The following TRPM2 variants were observed in gnomAD, a reference collection of about 807,000 sequenced individuals.
The protein encoded by TRPM2 is estrogen-responsive element-associated gene 1 protein.
In TRPM2, 161 loss-of-function variants were observed where a neutral mutation model predicts 174.0. That is an observed-to-expected ratio of 0.93 (90% CI 0.81 to 1.05). The LOEUF is 1.05. TRPM2 is among the 50% of genes least tolerant of loss of function. The probability of loss-of-function intolerance (pLI) is 0.00; values close to 1 mark genes in which losing one functional copy is unlikely to be tolerated. For synonymous variants in TRPM2, 954 were observed against 861.3 expected (o/e 1.11, Z -1.88); for missense variants, 2,057 against 2,038.0 (o/e 1.01, Z -0.18).
intron 16 of TRPM2, among the ~76,000 whole-genome samples, chr21:44,404,862 A>T (rs147078462): frequency 0.044 from 5,024 of 113,158 alleles, 80 homozygotes; most frequent in African/African-American, 0.1. Flanking sequence ...TGATAGTGAC[A>T]GTGACTGTGA....
chr21:44,368,994 C>G (rs538012370), intron 4 of TRPM2, 183 bp from the exon 5 acceptor site: 2 of 576,186 alleles, frequency 3.5e-6, no homozygotes, highest in South Asian at 3.3e-5. Context: ...GTTCCCACCC[C>G]ACCTGAGCGC....
chr21:44,381,960 A>G (rs143040840), intron 8 of TRPM2, among the ~76,000 whole-genome samples: 6 of 44,408 alleles, frequency 1.4e-4, no homozygotes, highest in Non-Finnish European at 4.0e-4. Flanking sequence ...ATGGATAGAT[A>G]GATAGATAGA....
intron 22 of TRPM2, among the ~76,000 whole-genome samples, chr21:44,419,215 C>A (rs115210726): frequency 0.013 from 1,912 of 152,242 alleles, 29 homozygotes; most frequent in African/African-American, 0.043. Context: ...GGACACGGTG[C>A]CACCTAGTTA....
intron 12 of TRPM2, 32 bp downstream of exon 12, chr21:44,395,583 C>T (rs371704678): frequency 4.2e-5 from 67 of 1,611,678 alleles, no homozygotes; most frequent in Non-Finnish European, 5.1e-5. Flanking sequence ...TCTCAGCAGA[C>T]ACAGCTATAG....
In TRPM2 at chr21:44,423,739, C is replaced by A; in HGVS notation, c.3549+7C>A. On this transcript the variant is annotated splice_region_variant and intron_variant, in intron 23 of 31. Coordinates refer to ENST00000397928, the MANE Select transcript of TRPM2 (RefSeq NM_003307.4). ...GGCCTCCCTGGAGGAGCAGGTGGGTCCGAGGTCGGGGCCTCCGTCAGGAGG... is the reference window on the plus strand; with the variant it reads ...GGCCTCCCTGGAGGAGCAGGTGGGTACGAGGTCGGGGCCTCCGTCAGGAGG... 1 of 1,599,488 alleles carries A rather than the reference C, an allele frequency of 6.3e-7. No homozygotes were observed. The highest frequency in any genetic ancestry group is 8.5e-7 in the Non-Finnish European group (1 of 1,175,294).
rs1006597949 is a variant in TRPM2 at position 44,366,487 on chromosome 21, C to T, written c.424-267C>T. 2.0e-5 allele frequency among the ~76,000 whole-genome samples: 3 copies of T among 152,016 alleles called. No individual in the cohort carries two copies. Among genetic ancestry groups the T allele is most frequent in the South Asian group, 2.1e-4 (1 of 4,814 alleles). ...GAGAGGAAGAGGAAAAAGTGGGTGC[C>T]GTGGGGGCACGAGGGCTGGGGGAGG... On this transcript the variant is annotated intron_variant, in intron 3 of 31. Coordinates refer to ENST00000397928, the MANE Select transcript of TRPM2 (RefSeq NM_003307.4). This position sits in a 1 kb window ranked among gnomAD's most constrained non-coding sequence, Gnocchi z 6.0.
rs145608691 is a variant in TRPM2, at chr21:44,438,431, G to A, written c.4168-636G>A. ...GTTCCTGGCTCTGTAGGGCACGCAC[G>A]CTTGAGGGTGGGAGTGTCATGGGGC... On this transcript the variant is annotated intron_variant, in intron 29 of 31. Coordinates refer to ENST00000397928, the MANE Select transcript of TRPM2 (RefSeq NM_003307.4). The surrounding 1 kb of genome is among the most constrained non-coding windows in gnomAD (Gnocchi z 5.9). Among the ~76,000 whole-genome samples the A allele has an allele frequency of 0.01, 1,592 of 152,286 alleles. 30 individuals carry two copies. The highest frequency in any genetic ancestry group is 0.036 in the African/African-American group (1,493 of 41,558).
chr21:44,384,357 C>G (rs2048962489), intron 9 of TRPM2, among the ~76,000 whole-genome samples: 1 of 152,176 alleles, frequency 6.6e-6, no homozygotes, highest in Non-Finnish European at 1.5e-5. Flanking sequence ...AGAGGATGGT[C>G]AGCATCTGGC....
intron 28 of TRPM2, 24 bp downstream of exon 28, chr21:44,435,241 C>A: frequency 6.2e-7 from 1 of 1,604,238 alleles, no homozygotes; most frequent in Non-Finnish European, 8.5e-7. Flanking sequence ...TGCCGGGCAC[C>A]AGCACCTCAG....
intron 22 of TRPM2, among the ~76,000 whole-genome samples, chr21:44,419,082 C>T (rs922591320): frequency 2.0e-5 from 3 of 152,222 alleles, no homozygotes; most frequent in African/African-American, 7.2e-5. Flanking sequence ...CACTGCCAGG[C>T]CTTCCGCCCT....
rs376760691 is a variant in TRPM2, at chr21:44,405,277, C to A, written c.2657+17C>A. 6.2e-7 allele frequency: 1 copy of A among 1,610,772 alleles called. No individual in the cohort carries two copies. Among genetic ancestry groups the A allele is most frequent in the Non-Finnish European group, 8.5e-7 (1 of 1,179,784 alleles). ...GACCTGCAGGTGAGTGGCCTCACCC[C>A]GATGGCGGGCCCGTCTGAGGCAGCC... On this transcript the variant is annotated intron_variant, in intron 17 of 31. Coordinates refer to ENST00000397928, the MANE Select transcript of TRPM2 (RefSeq NM_003307.4).
At chr21:44,363,497 G>A (rs2048275157) in intron 2 of TRPM2, among the ~76,000 whole-genome samples, 1 of 151,912 alleles carries the variant, frequency 6.6e-6, no homozygotes, top group South Asian at 2.1e-4. Context: ...TTCAGTTACT[G>A]CATTTTTCAG....
intron 2 of TRPM2, 126 bp from the exon 3 acceptor site, chr21:44,363,987 AG>A (rs1384736679): frequency 1.0e-6 from 1 of 978,944 alleles, no homozygotes; most frequent in Admixed American, 2.9e-5. Flanking sequence ...CATGGCTGGA[AG>A]GGCAGGTGCT....
upstream of TRPM2, chr21:44,350,245 G>T (rs1019670151): frequency 6.6e-6 from 1 of 152,074 alleles, no homozygotes; most frequent in Non-Finnish European, 1.5e-5. Flanking sequence ...GGGGACGCGG[G>T]TGACGCCGGG....
intron 16 of TRPM2, among the ~76,000 whole-genome samples, chr21:44,403,726 C>A (rs915536927): frequency 1.3e-5 from 2 of 150,470 alleles, no homozygotes; most frequent in African/African-American, 4.9e-5. Context: ...TATGCATGGA[C>A]ACACATACAT....
intron 20 of TRPM2, chr21:44,415,119 T>C (rs768342986): frequency 1.3e-5 from 2 of 152,294 alleles, no homozygotes; most frequent in Non-Finnish European, 2.9e-5. Context: ...TGCCCTCCCG[T>C]GCCATTGGGG....
intron 6 of TRPM2, among the ~76,000 whole-genome samples, chr21:44,377,140 A>C (rs2048728561): frequency 6.6e-6 from 1 of 152,144 alleles, no homozygotes; most frequent in South Asian, 2.1e-4. Context: ...TGAGTGTGTG[A>C]AGACGATGGG....
intron 3 of TRPM2, among the ~76,000 whole-genome samples, chr21:44,364,578 C>A (rs984911849): frequency 6.6e-6 from 1 of 151,900 alleles, no homozygotes; most frequent in African/African-American, 2.4e-5. Context: ...CCTTGGGCGG[C>A]ATTTGTCAGG....
upstream of TRPM2, among the ~76,000 whole-genome samples, chr21:44,352,320 G>C (rs1285413321): frequency 6.6e-6 from 1 of 152,238 alleles, no homozygotes; most frequent in African/African-American, 2.4e-5. Context: ...GTGGCCAAGG[G>C]GCAAAGGGGA....
Sources: allele counts gnomAD v4.1 joint callset (sites outside exome capture counted in the v4.1 genomes callset), GRCh38; gene constraint gnomAD v4.1.1; non-coding constraint Gnocchi (gnomAD v3.1); transcripts MANE v1.5; gene names NCBI Gene and HGNC (gene_info 2026-07-23, HGNC 2026-07-21).